Variants in LRRC37A2 observed in about 807,000 individuals in gnomAD.
LRRC37A2 encodes leucine rich repeat containing 37 member A2, also known as leucine-rich repeat-containing protein 37A2.
LRRC37A2 carries 9 observed loss-of-function variants against 68.8 expected under a neutral mutation model. That is an observed-to-expected ratio of 0.13 (90% confidence interval 0.08 to 0.23). LRRC37A2 has a LOEUF of 0.23. Ranked by LOEUF, LRRC37A2 falls within the 10% of genes least tolerant of loss-of-function variation. The pLI is 1.00. For synonymous variants in LRRC37A2, 63 were observed against 367.6 expected (o/e 0.17, Z 9.48); for missense variants, 168 against 950.4 (o/e 0.18, Z 10.82).
the LRRC37A2 span, among the ~76,000 whole-genome samples, chr17:46,976,376 TAATA>T: frequency 4.6e-5 from 7 of 151,098 alleles, no homozygotes; most frequent in Non-Finnish European, 7.4e-5. Flanking sequence ...CTACTAAAAA[TAATA>T]AATAAATAAA....
chr17:46,893,142 G>A, the LRRC37A2 span, among the ~76,000 whole-genome samples: 5 of 151,920 alleles, frequency 3.3e-5, no homozygotes, highest in African/African-American at 9.7e-5. Context: ...CCATGTTGGC[G>A]GGACTGGTCT....
At chr17:46,832,088 C>A in the LRRC37A2 span, among the ~76,000 whole-genome samples, 1 of 152,216 alleles carries the variant, frequency 6.6e-6, no homozygotes, top group East Asian at 1.9e-4. Context: ...TATTGGCAGG[C>A]TCCAGGCACT....
At chr17:46,439,071 CAGAA>C in the LRRC37A2 span, among the ~76,000 whole-genome samples, 3 of 34,696 alleles carry the variant, frequency 8.6e-5, no homozygotes, top group Non-Finnish European at 1.9e-4. Flanking sequence ...GAATTAGATT[CAGAA>C]AGCCCCTTAC....
At chr17:46,960,519 A>G in the LRRC37A2 span, among the ~76,000 whole-genome samples, 1 of 152,204 alleles carries the variant, frequency 6.6e-6, no homozygotes, top group Non-Finnish European at 1.5e-5. Context: ...CCCAAGTGAA[A>G]GGAAAACTTT....
the LRRC37A2 span, among the ~76,000 whole-genome samples, chr17:46,986,591 A>G: frequency 4.6e-5 from 7 of 152,218 alleles, no homozygotes; most frequent in Non-Finnish European, 1.0e-4. Flanking sequence ...AGCCGTCACA[A>G]CAAGGGAATG....
At chr17:46,903,281 C>CAA in the LRRC37A2 span, among the ~76,000 whole-genome samples, 2 of 144,954 alleles carry the variant, frequency 1.4e-5, no homozygotes, top group South Asian at 2.2e-4. Flanking sequence ...GACTCTGTCT[C>CAA]AAAAAAAAAA....
At chr17:46,816,887 C>T in the LRRC37A2 span, among the ~76,000 whole-genome samples, 3 of 152,324 alleles carry the variant, frequency 2.0e-5, no homozygotes, top group Non-Finnish European at 2.9e-5. Context: ...CAGGAATGGC[C>T]GGGTGAGGCT....
chr17:46,836,095 C>CGTGTGTGTGTGTGT, the LRRC37A2 span, among the ~76,000 whole-genome samples: 8,371 of 126,332 alleles, frequency 0.066, 463 homozygotes, highest in South Asian at 0.14. Flanking sequence ...GAGACGCTGA[C>CGTGTGTGTGTGTGT]GTGTGTGTGT....
chr17:46,979,002 G>A, the LRRC37A2 span: 2 of 1,411,334 alleles, frequency 1.4e-6, no homozygotes, highest in Non-Finnish European at 1.8e-6. Context: ...GGAAGGTCGC[G>A]TTCATCGCCG....
the LRRC37A2 span, among the ~76,000 whole-genome samples, chr17:46,770,370 A>G: frequency 6.6e-6 from 1 of 152,200 alleles, no homozygotes; most frequent in Non-Finnish European, 1.5e-5. Flanking sequence ...GAGATAAGGC[A>G]GCCACTTCTG....
the LRRC37A2 span, among the ~76,000 whole-genome samples, chr17:46,720,360 G>A: frequency 6.6e-6 from 1 of 152,132 alleles, no homozygotes; most frequent in Non-Finnish European, 1.5e-5. Context: ...AGAACTTTCA[G>A]ACCTTGTGAC....
chr17:46,798,134 GGCCA>G, the LRRC37A2 span, among the ~76,000 whole-genome samples: 1 of 152,182 alleles, frequency 6.6e-6, no homozygotes, highest in South Asian at 2.1e-4. Flanking sequence ...TCACCATGTT[GGCCA>G]GGCTGGTCTC....
the LRRC37A2 span, chr17:46,755,204 C>T: frequency 1.3e-6 from 1 of 764,266 alleles, no homozygotes. Flanking sequence ...ATTCAGTGAC[C>T]TAGCAGAGCA....
the LRRC37A2 span, among the ~76,000 whole-genome samples, chr17:47,030,085 AATAATCATC>A: frequency 0.024 from 1,209 of 49,498 alleles, 17 homozygotes; most frequent in Middle Eastern, 0.073. Context: ...TAATAATAAT[AATAATCATC>A]ATCATCATCA....
At chr17:46,741,898 T>C in the LRRC37A2 span, among the ~76,000 whole-genome samples, 1 of 152,192 alleles carries the variant, frequency 6.6e-6, no homozygotes, top group Non-Finnish European at 1.5e-5. Flanking sequence ...CCTTAGTAGC[T>C]GGGATTACAG....
the LRRC37A2 span, among the ~76,000 whole-genome samples, chr17:46,977,025 A>G: frequency 1.3e-5 from 2 of 152,082 alleles, no homozygotes; most frequent in African/African-American, 4.8e-5. Flanking sequence ...TGGGACGACC[A>G]GGGTTGGGGG....
chr17:46,916,401 G>T, the LRRC37A2 span, among the ~76,000 whole-genome samples: 1 of 152,160 alleles, frequency 6.6e-6, no homozygotes, highest in Non-Finnish European at 1.5e-5. Context: ...TGGAAGGCAG[G>T]GGTGCAGTCA....
chr17:46,973,805 G>A, the LRRC37A2 span, among the ~76,000 whole-genome samples: 1 of 147,162 alleles, frequency 6.8e-6, no homozygotes, highest in Non-Finnish European at 1.5e-5. Context: ...TTAAATGTGT[G>A]TGCATGCGTG....
the LRRC37A2 span, chr17:46,872,791 G>A: frequency 1.4e-6 from 2 of 1,428,040 alleles, no homozygotes; most frequent in Admixed American, 1.8e-5. Flanking sequence ...GGAGGGCTAG[G>A]GGACGGGGAG....
Sources: allele counts gnomAD v4.1 joint callset (sites outside exome capture counted in the v4.1 genomes callset), GRCh38; gene constraint gnomAD v4.1.1; transcripts MANE v1.5; gene names NCBI Gene and HGNC (gene_info 2026-07-23, HGNC 2026-07-21).